The following LRP1B variants were observed in gnomAD, a reference collection of about 807,000 sequenced individuals.
LRP1B encodes LDL receptor related protein 1B.
A neutral mutation model predicts 556.6 loss-of-function variants in LRP1B; 217 were observed. The ratio of observed to expected loss-of-function variants is 0.39; its 90% CI spans 0.35 to 0.44. The LOEUF is 0.44. Ranked by LOEUF, LRP1B falls within the 20% of genes least tolerant of loss-of-function variation. The probability of loss-of-function intolerance (pLI) is 1.00; values close to 1 mark genes in which losing one functional copy is unlikely to be tolerated. For synonymous variants in LRP1B, 2,047 were observed against 1,865.8 expected, an observed-to-expected ratio of 1.10 and a Z score of -2.50; for missense variants, 5,053 against 5,620.8, an observed-to-expected ratio of 0.90 and a Z score of 3.23.
At position 140,726,466 on chromosome 2, in the gene LRP1B, T is replaced by G. The variant is rs189554187; in HGVS notation, c.5759-9650A>C. On this transcript the variant is annotated intron_variant, in intron 35 of 90. Coordinates refer to ENST00000389484, the MANE Select transcript of LRP1B (RefSeq NM_018557.3). ...GCAGCTCATCCAGAGATTACTTTGT[T>G]TGATTCTCCTCCACTCCCGATAAGC... Among the ~76,000 whole-genome samples, 286 of 152,302 alleles carry G rather than the reference T, an allele frequency of 1.9e-3. 1 individual carries two copies. The highest frequency in any genetic ancestry group is 6.4e-3 in the African/African-American group (264 of 41,574).
chr2:141,509,583 A>C (rs1202860728), intron 2 of LRP1B, among the ~76,000 whole-genome samples: 1 of 134,504 alleles, frequency 7.4e-6, no homozygotes, highest in Non-Finnish European at 1.6e-5. Context: ...CAAACAAACA[A>C]ACAAAATGCC....
rs116119795 is a variant in LRP1B, at chr2:141,303,718, G to T, written c.344-49077C>A. The stretch of plus-strand genomic sequence containing the variant: ...CAGCCTTGCTATTGTTAATAGTACT[G>T]CAGTAAATACAGAGATGCAGGTATC... On this transcript the variant is annotated intron_variant, in intron 3 of 90. Transcript: ENST00000389484. Among the ~76,000 whole-genome samples the T allele has an allele frequency of 5.2e-3, 789 of 152,238 alleles. 9 individuals are homozygous for T. Among genetic ancestry groups the T allele is most frequent in the African/African-American group, 0.016 (662 of 41,564 alleles).
At chr2:140,321,093 G>T (rs777520613) in intron 82 of LRP1B, among the ~76,000 whole-genome samples, 8 of 152,090 alleles carry the variant, frequency 5.3e-5, no homozygotes, top group African/African-American at 1.7e-4. Flanking sequence ...ATTTTTAAAA[G>T]TATTATGTGT....
At chr2:141,784,874 G>T (rs1010375236) in intron 2 of LRP1B, among the ~76,000 whole-genome samples, 1 of 151,846 alleles carries the variant, frequency 6.6e-6, no homozygotes, top group African/African-American at 2.4e-5. Context: ...TTCTTTTACG[G>T]ACTGTGTACT....
chr2:141,458,752 A>G (rs1253311770), intron 3 of LRP1B, among the ~76,000 whole-genome samples: 2 of 152,116 alleles, frequency 1.3e-5, no homozygotes, highest in Non-Finnish European at 2.9e-5. Context: ...CACTAAGCTA[A>G]TTATTTATTT....
chr2:141,408,621 T>C (rs545346487), intron 3 of LRP1B, among the ~76,000 whole-genome samples: 1 of 152,098 alleles, frequency 6.6e-6, no homozygotes, highest in East Asian at 1.9e-4. Context: ...AAATCTATGG[T>C]TTTTCATACT....
chr2:142,118,553 T>A (rs940221632), intron 1 of LRP1B, among the ~76,000 whole-genome samples: 44 of 152,158 alleles, frequency 2.9e-4, no homozygotes, highest in African/African-American at 1.0e-3. Context: ...CTTTACCTAA[T>A]ATATAAATAA....
intron 2 of LRP1B, among the ~76,000 whole-genome samples, chr2:141,761,909 T>C (rs1247060007): frequency 6.6e-6 from 1 of 152,192 alleles, no homozygotes; most frequent in Non-Finnish European, 1.5e-5. Flanking sequence ...GAGTATCTCA[T>C]GAGTTTGCTC....
intron 3 of LRP1B, among the ~76,000 whole-genome samples, chr2:141,317,516 T>A (rs1351737810): frequency 6.6e-6 from 1 of 152,150 alleles, no homozygotes; most frequent in East Asian, 1.9e-4. Flanking sequence ...AGACCCTAAC[T>A]CCAAGTAGAG....
At chr2:140,843,084 T>G (rs1692166977) in intron 29 of LRP1B, among the ~76,000 whole-genome samples, 11 of 21,890 alleles carry the variant, frequency 5.0e-4, no homozygotes, top group Non-Finnish European at 7.9e-4. Context: ...TTTTTTTGTT[T>G]GTTTTTTTTT....
chr2:140,326,866 C>T (rs2105066732), intron 79 of LRP1B, among the ~76,000 whole-genome samples: 1 of 152,096 alleles, frequency 6.6e-6, no homozygotes, highest in South Asian at 2.1e-4. Flanking sequence ...TAATATTTTT[C>T]TACTTTTTTA....
In LRP1B at chr2:140,994,130, G is replaced by A. The variant is rs761944538; in HGVS notation, c.2509C>T (p.Pro837Ser). Reference protein sequence around the residue: ...DENGTTCTFNPGEALPHICKA... With the variant: ...DENGTTCTFNSGEALPHICKA... ...CATATGTGAGGTAGTGCTTCTCCAG[G>A]ATTAACTAGAGTTAAAAAAACCCAA... Residue 837 changes from proline (P) to serine (S), a missense_variant, in exon 16 of 91, where the codon CCT becomes TCT. Pro to Ser is a moderately conservative substitution (Grantham distance 74, BLOSUM62 -1). This residue lies in a region of LRP1B where 3,619 missense variants were observed against 3,931.9 expected (regional missense o/e 0.92). Transcript: ENST00000389484. 8.1e-6 allele frequency: 13 copies of A among 1,611,682 alleles called. No individual in the cohort carries two copies. The highest frequency in any genetic ancestry group is 3.4e-6 in the Non-Finnish European group (4 of 1,178,680).
At chr2:140,971,142 C>T (rs957714607) in intron 18 of LRP1B, among the ~76,000 whole-genome samples, 1 of 152,142 alleles carries the variant, frequency 6.6e-6, no homozygotes. Context: ...GTAGTCTTTG[C>T]AGACGTAAAG....
At chr2:140,982,651 T>G (rs573038656) in intron 17 of LRP1B, among the ~76,000 whole-genome samples, 1 of 152,298 alleles carries the variant, frequency 6.6e-6, no homozygotes, top group African/African-American at 2.4e-5. Context: ...GGATAGCATT[T>G]GCTAATAAAC....
chr2:141,869,305 G>A (rs1411280959), intron 1 of LRP1B, among the ~76,000 whole-genome samples: 2 of 151,856 alleles, frequency 1.3e-5, no homozygotes, highest in Non-Finnish European at 2.9e-5. Context: ...ACCCCATGTG[G>A]CTAGTGGCTA....
At chr2:140,872,034 A>T (rs1455571822) in intron 25 of LRP1B, among the ~76,000 whole-genome samples, 1 of 127,332 alleles carries the variant, frequency 7.9e-6, no homozygotes, top group Non-Finnish European at 1.7e-5. Flanking sequence ...GTGTGTTTGT[A>T]TTTAAAAGTC....
At chr2:141,505,991 GA>G (rs1349229898) in intron 2 of LRP1B, among the ~76,000 whole-genome samples, 1 of 152,060 alleles carries the variant, frequency 6.6e-6, no homozygotes, top group East Asian at 1.9e-4. Context: ...CCCTGTCCGG[GA>G]AAGACTGCCT....
intron 41 of LRP1B, among the ~76,000 whole-genome samples, chr2:140,696,441 G>A (rs1686432937): frequency 6.6e-6 from 1 of 152,136 alleles, no homozygotes; most frequent in Non-Finnish European, 1.5e-5. Context: ...GTTTTAGTCA[G>A]ACCTTAATGC....
intron 7 of LRP1B, among the ~76,000 whole-genome samples, chr2:141,132,113 T>C (rs1435100408): frequency 1.3e-5 from 2 of 152,056 alleles, no homozygotes; most frequent in Admixed American, 6.6e-5. Flanking sequence ...TTAACTTCTG[T>C]AAATAATATT....
Sources: allele counts gnomAD v4.1 joint callset (sites outside exome capture counted in the v4.1 genomes callset), GRCh38; gene constraint gnomAD v4.1.1; regional missense constraint gnomAD v4.1.1; transcripts MANE v1.5; gene names NCBI Gene and HGNC (gene_info 2026-07-23, HGNC 2026-07-21).